NCAM2: variants seen among roughly 807,000 people sequenced by gnomAD.
The protein encoded by NCAM2 is N-CAM-2.
NCAM2 carries 30 observed loss-of-function variants against 98.1 expected under a neutral mutation model. The ratio of observed to expected loss-of-function variants is 0.31; its 90% CI spans 0.23 to 0.41. NCAM2 has a LOEUF of 0.41. Among genes scored for constraint, NCAM2 ranks in the 10% least tolerant of loss-of-function variants. The pLI is 1.00. For synonymous variants in NCAM2, 368 were observed against 342.4 expected (o/e 1.07, Z -0.83); for missense variants, 867 against 1,005.8 (o/e 0.86, Z 1.87).
In NCAM2 at chr21:21,397,458, A is replaced by G. The variant is rs537590474; in HGVS notation, c.1196-12816A>G. On this transcript the variant is annotated intron_variant, in intron 9 of 17. Transcript: ENST00000400546. ...TCCCTCCTATGCTCCTAGGTGCCCA[A>G]TGTCCAGAGGGGGTTGAGGTAGCAG... 3.2e-4 allele frequency among the ~76,000 whole-genome samples: 48 copies of G among 152,192 alleles called. No homozygotes were observed. The East Asian group carries it at 8.0e-3, about 25-fold the overall frequency.
At chr21:21,097,903 G>C (rs1190643127) in intron 1 of NCAM2, among the ~76,000 whole-genome samples, 1 of 23,858 alleles carries the variant, frequency 4.2e-5, no homozygotes, top group Non-Finnish European at 2.1e-4. Flanking sequence ...AGGAACCCCA[G>C]TTCTGTCTTC....
intron 13 of NCAM2, among the ~76,000 whole-genome samples, chr21:21,467,808 C>T (rs2146217672): frequency 6.6e-6 from 1 of 151,862 alleles, no homozygotes; most frequent in Non-Finnish European, 1.5e-5. Context: ...TGAAATGAGC[C>T]ATGATCACAC....
At chr21:21,202,408 C>CTTTT (rs11385750) in intron 1 of NCAM2, among the ~76,000 whole-genome samples, 1,148 of 80,212 alleles carry the variant, frequency 0.014, 56 homozygotes, top group Middle Eastern at 0.021. Flanking sequence ...AGCAAATATC[C>CTTTT]TTTTTTTTTT....
chr21:21,433,791 A>AAAATAAAAT (rs1491517662), intron 12 of NCAM2, among the ~76,000 whole-genome samples: 4 of 144,068 alleles, frequency 2.8e-5, no homozygotes, highest in Non-Finnish European at 6.1e-5. Context: ...AAAATAAAAT[A>AAAATAAAAT]AAATAAAAAT....
In NCAM2 at chr21:21,510,369, A is replaced by G. The variant is rs981057504; in HGVS notation, c.2282+1314A>G. ...CACATTAACCTCCCTCACCCAGGCC[A>G]TTGCTATTCCTGATTTTTCACCACA... On this transcript the variant is annotated intron_variant, in intron 16 of 17. Transcript: ENST00000400546. 2.0e-5 allele frequency among the ~76,000 whole-genome samples: 3 copies of G among 152,078 alleles called. No homozygotes were observed. In the South Asian group the frequency reaches 6.2e-4, roughly 32 times the overall value.
chr21:21,158,857 G>T (rs1407079956), intron 1 of NCAM2, among the ~76,000 whole-genome samples: 11 of 152,072 alleles, frequency 7.2e-5, no homozygotes, highest in Admixed American at 7.2e-4. Context: ...GCTTTTTACA[G>T]TTATTTTAGA....
chr21:21,251,250 A>G (rs2071459058), intron 1 of NCAM2, among the ~76,000 whole-genome samples: 1 of 152,078 alleles, frequency 6.6e-6, no homozygotes, highest in Admixed American at 6.6e-5. Context: ...GGTTTGCTGC[A>G]CCCATCAACT....
At chr21:21,014,266 A>T (rs1888373848) in intron 1 of NCAM2, among the ~76,000 whole-genome samples, 1 of 152,052 alleles carries the variant, frequency 6.6e-6, no homozygotes, top group South Asian at 2.1e-4. Context: ...TCTACTAAAA[A>T]TACAAAAATT....
rs186734147 is a variant in NCAM2, at chr21:21,345,113, C to A, written c.1044+6579C>A. Among the ~76,000 whole-genome samples, 47 of 152,054 alleles carry A rather than the reference C, an allele frequency of 3.1e-4. No homozygotes were observed. In the East Asian group the frequency reaches 5.4e-3, roughly 18 times the overall value. ...GCAAATACAACTTAGATCACAATAC[C>A]CAAGGTTTTTCAAATATCTGGAAAG... On this transcript the variant is annotated intron_variant, in intron 8 of 17. Coordinates refer to ENST00000400546, the MANE Select transcript of NCAM2 (RefSeq NM_004540.5).
intron 1 of NCAM2, among the ~76,000 whole-genome samples, chr21:20,999,438 T>C (rs2063979327): frequency 6.6e-6 from 1 of 152,156 alleles, no homozygotes; most frequent in African/African-American, 2.4e-5. Flanking sequence ...GAGATAGATA[T>C]GAATTTATCT....
At position 21,156,641 on chromosome 21, in the gene NCAM2, T is replaced by C. The variant is rs916613990; in HGVS notation, c.56-123937T>C. Among the ~76,000 whole-genome samples the C allele has an allele frequency of 1.6e-4, 24 of 152,112 alleles. No individual in the cohort carries two copies. The East Asian group carries it at 2.3e-3, about 15-fold the overall frequency. On this transcript the variant is annotated intron_variant, in intron 1 of 17. Coordinates refer to ENST00000400546, the MANE Select transcript of NCAM2 (RefSeq NM_004540.5). The stretch of plus-strand genomic sequence containing the variant: ...ATAATTGTAGATATAGCTTTAGTTA[T>C]ATGTATCATATTCCCAGTATGGTAT...
At chr21:21,147,540 G>C (rs924695535) in intron 1 of NCAM2, among the ~76,000 whole-genome samples, 3 of 150,976 alleles carry the variant, frequency 2.0e-5, no homozygotes, top group Middle Eastern at 3.5e-3. Flanking sequence ...TGCAGCCACA[G>C]TATACATACA....
chr21:21,377,650 T>C (rs905990363), intron 9 of NCAM2, among the ~76,000 whole-genome samples: 4 of 151,976 alleles, frequency 2.6e-5, no homozygotes, highest in African/African-American at 9.7e-5. Context: ...ATGATTCAGT[T>C]AAGCTCATTA....
intron 15 of NCAM2, among the ~76,000 whole-genome samples, chr21:21,499,100 G>A (rs1337319880): frequency 1.3e-5 from 2 of 152,050 alleles, no homozygotes; most frequent in Non-Finnish European, 2.9e-5. Context: ...GCTAAGAAGT[G>A]AAGAAATAAA....
intron 1 of NCAM2, among the ~76,000 whole-genome samples, chr21:21,013,889 A>T (rs1310309251): frequency 6.6e-6 from 1 of 152,232 alleles, no homozygotes; most frequent in African/African-American, 2.4e-5. Flanking sequence ...CTGATGGAGA[A>T]GCTACAGCAA....
At chr21:21,100,363 C>T (rs987900701) in intron 1 of NCAM2, among the ~76,000 whole-genome samples, 1 of 151,808 alleles carries the variant, frequency 6.6e-6, no homozygotes, top group African/African-American at 2.4e-5. Flanking sequence ...GGAGGCCAAC[C>T]AGAGTAGATG....
chr21:21,349,262 G>C (rs2075272908), intron 8 of NCAM2, among the ~76,000 whole-genome samples: 1 of 151,968 alleles, frequency 6.6e-6, no homozygotes. Flanking sequence ...CAAAAAATGG[G>C]CAAAAGATTT....
intron 3 of NCAM2, among the ~76,000 whole-genome samples, chr21:21,285,940 C>CA (rs1343091188): frequency 6.6e-6 from 1 of 151,796 alleles, no homozygotes; most frequent in East Asian, 1.9e-4. Flanking sequence ...GTGGTGAGAA[C>CA]AAACTTGGAA....
At chr21:21,085,085 A>G (rs369114067) in intron 1 of NCAM2, among the ~76,000 whole-genome samples, 4 of 152,172 alleles carry the variant, frequency 2.6e-5, no homozygotes, top group African/African-American at 7.2e-5. Context: ...AAAACCTGAA[A>G]TTGAATCTCT....
Sources: gnomAD v4.1 joint callset for allele counts (sites outside exome capture counted in the v4.1 genomes callset) on GRCh38, gnomAD v4.1.1 for gene constraint, MANE v1.5 for transcripts, NCBI Gene and HGNC (gene_info 2026-07-23, HGNC 2026-07-21) for gene names.